The following CCDC14 variants were observed in gnomAD, a reference collection of about 807,000 sequenced individuals.
The protein encoded by CCDC14 is coiled-coil domain containing 14.
In CCDC14, 71 loss-of-function variants were observed where a neutral mutation model predicts 81.4. The observed-to-expected ratio is 0.87, with a 90% CI of 0.72 to 1.06. CCDC14 has a LOEUF of 1.06. Among genes scored for constraint, CCDC14 ranks in the 50% least tolerant of loss-of-function variants. The probability of loss-of-function intolerance (pLI) is 0.00; values close to 1 mark genes in which losing one functional copy is unlikely to be tolerated. For synonymous variants in CCDC14, 332 were observed against 364.8 expected (o/e 0.91, Z 1.03); for missense variants, 1,046 against 1,047.3 (o/e 1.00, Z 0.02).
intron 3 of CCDC14, 47 bp downstream of exon 3, chr3:123,956,308 T>C: frequency 7.1e-7 from 1 of 1,404,844 alleles, no homozygotes; most frequent in Non-Finnish European, 9.7e-7. Flanking sequence ...TTAGCTACTA[T>C]TTGAAAACTA....
chr3:123,931,464 G>T lies in CCDC14; in HGVS notation c.1489C>A (p.Gln497Lys). ...QNQLEESLKSQELLQSKNEEL... is the reference protein window; with the variant it reads ...QNQLEESLKSKELLQSKNEEL... ...TCATTTTTACTCTGCAGTAATTCCT[G>T]GCTCTTTAGTGACTCCTCCAATTGA... Residue 497 changes from glutamine (Q) to lysine (K), a missense_variant, in exon 11 of 13, where the codon CAG (glutamine) becomes AAG (lysine). Gln to Lys is a moderately conservative substitution (Grantham distance 53, BLOSUM62 1). Transcript: ENST00000409697. 1 of 1,577,254 alleles carries T rather than the reference G, an allele frequency of 6.3e-7. No individual in the cohort carries two copies.
Position 123,915,151 on chromosome 3 carries a change from G to T in CCDC14, c.2346C>A (p.Ile782=). 3 of 1,613,876 alleles carry T rather than the reference G, an allele frequency of 1.9e-6. No individual in the cohort carries two copies. Among genetic ancestry groups the T allele is most frequent in the Non-Finnish European group, 2.5e-6 (3 of 1,179,816 alleles). ...CTGCTTCCTTTGTTGAAGAGGAACA[G>T]ATTACAGGTGTACACAGTTTATTTT... The part of the protein sequence containing the change: ...GKENKLCTPV[I]CSSSTKEAED... Residue 782 remains isoleucine, a synonymous_variant, in exon 13 of 13, where the codon ATC becomes ATA. Transcript: ENST00000409697.
Position 123,898,021 on chromosome 3 carries a change from A to G in CCDC14, c.668-408T>C, listed in dbSNP as rs184356127. On this transcript the variant is annotated intron_variant, in intron 5 of 5. Coordinates refer to the CCDC14 transcript ENST00000479903. ...CTATAGCCAAATGATATCATCTATG[A>G]AAAATCCCTTGTTTTGCAAAAGACA... is the stretch of plus-strand genomic sequence containing the variant. Among the ~76,000 whole-genome samples the G allele has an allele frequency of 2.6e-5, 4 of 152,350 alleles. No homozygotes were observed. In the East Asian group the frequency reaches 7.7e-4, roughly 29 times the overall value.
At chr3:123,908,738 T>C (rs900743300), downstream of CCDC14, among the ~76,000 whole-genome samples, 1 of 152,104 alleles carries the variant, frequency 6.6e-6, no homozygotes, top group Non-Finnish European at 1.5e-5. Flanking sequence ...GGTTGGGATA[T>C]GGGGAGGGGA....
At position 123,945,192 on chromosome 3, in the gene CCDC14, T is replaced by C. The variant is rs3736532; in HGVS notation, c.1202-202A>G. On this transcript the variant is annotated intron_variant, in intron 8 of 12. Transcript: ENST00000409697. ...TTGTTTCCTCAGAATTCTAAAGAAA[T>C]TAAGTTCAGTAAACTAAAGATTAAT... is the stretch of plus-strand genomic sequence containing the variant. 2.2e-4 allele frequency among the ~76,000 whole-genome samples: 34 copies of C among 152,186 alleles called. No individual in the cohort carries two copies. In the East Asian group the frequency reaches 6.2e-3, roughly 28 times the overall value.
chr3:123,929,114 G>C (rs1367822543), intron 12 of CCDC14, among the ~76,000 whole-genome samples: 1 of 152,094 alleles, frequency 6.6e-6, no homozygotes, highest in African/African-American at 2.4e-5. Context: ...CCGCTTCATC[G>C]GATTTTCTGC....
chr3:123,931,488 G>T lies in CCDC14; in HGVS notation c.1465C>A (p.Gln489Lys). The stretch of plus-strand genomic sequence containing the variant: ...TGGCTCTTTAGTGACTCCTCCAATT[G>T]ATTTTGCAGTGACATATTCAATGAC... ...LQSLNMSLQNQLEESLKSQEL... is the reference protein window; with the variant it reads ...LQSLNMSLQNKLEESLKSQEL... The change falls in exon 11 of 13, where the codon CAA becomes AAA. Residue 489 changes from glutamine (Q) to lysine (K), a missense_variant. Gln to Lys is a moderately conservative substitution (Grantham distance 53). Transcript: ENST00000409697. 2.5e-6 allele frequency: 4 copies of T among 1,571,298 alleles called. No homozygotes were observed. The highest frequency in any genetic ancestry group is 3.5e-6 in the Non-Finnish European group (4 of 1,156,640).
chr3:123,891,611 C>T, the CCDC14 span, among the ~76,000 whole-genome samples: 1 of 152,198 alleles, frequency 6.6e-6, no homozygotes, highest in African/African-American at 2.4e-5. Context: ...TCCTCATCTC[C>T]ATCTGAGACC....
rs17310144 is a variant in CCDC14, at chr3:123,947,055, T to G, written c.949A>C (p.Thr317Pro). The G allele has an allele frequency of 0.57, 922,377 of 1,613,646 alleles. 279,129 individuals carry two copies. Among genetic ancestry groups the G allele is most frequent in the Non-Finnish European group, 0.63 (748,510 of 1,179,728 alleles). The change falls in exon 8 of 13, where the codon ACG becomes CCG. Residue 317 changes from threonine to proline, a missense_variant. Transcript: ENST00000409697. ...CGGTGTGTCTGACTGTCCAGATGCG[T>G]TTCTTTTCCATGAGATCGAAAAAGA... ...LSLFRSHGKE[T>P]HLDSQTHRSP...
At chr3:123,923,967 T>A (rs1161436262) in intron 12 of CCDC14, among the ~76,000 whole-genome samples, 2 of 141,096 alleles carry the variant, frequency 1.4e-5, no homozygotes, top group African/African-American at 5.2e-5. Flanking sequence ...ACAGAATCAT[T>A]AAAAAAAAAA....
intron 12 of CCDC14, 93 bp from the exon 13 acceptor site, chr3:123,915,811 G>T: frequency 1.0e-6 from 1 of 974,872 alleles, no homozygotes; most frequent in East Asian, 2.5e-5. Flanking sequence ...AAGGATTTGA[G>T]AGAAGTGTCT....
At position 123,946,812 on chromosome 3, in the gene CCDC14, C is replaced by CT; in HGVS notation, c.1191dup (p.Ala398SerfsTer34). On this transcript the variant is annotated frameshift_variant, in exon 8 of 13. Coordinates refer to ENST00000409697, the MANE Select transcript of CCDC14 (RefSeq NM_001366335.1). LOFTEE classifies it high-confidence loss of function. ...TATAAGTCCCATCTACCTTGTTCTG[C>CT]TACCAGGGCCTTGAGCTCTCCCAAC... is the stretch of plus-strand genomic sequence containing the variant. 1 of 1,612,828 alleles carries CT rather than the reference C, an allele frequency of 6.2e-7. No individual in the cohort carries two copies. The highest frequency in any genetic ancestry group is 8.5e-7 in the Non-Finnish European group (1 of 1,179,410).
chr3:123,938,961 C>T (rs895838336), intron 9 of CCDC14, among the ~76,000 whole-genome samples: 2 of 151,840 alleles, frequency 1.3e-5, no homozygotes, highest in African/African-American at 2.4e-5. Flanking sequence ...GATCTATAAC[C>T]ATAATTTCCA....
At chr3:123,946,023 T>C (rs999571289) in intron 8 of CCDC14, among the ~76,000 whole-genome samples, 2 of 152,150 alleles carry the variant, frequency 1.3e-5, no homozygotes, top group African/African-American at 4.8e-5. Context: ...ATTACCATGA[T>C]TATGTATCTG....
At chr3:123,954,542 TTTCATAATATTTAAATCAATATATC>T (rs1436032718) in intron 5 of CCDC14, 14 of 152,136 alleles carry the variant, frequency 9.2e-5, no homozygotes, top group African/African-American at 3.1e-4. Flanking sequence ...TAAAATTACT[TTTCATAATATTTAAATCAATATATC>T]CAAAATATTA....
chr3:123,897,651 C>A, intron 5 of CCDC14: 1 of 983,102 alleles, frequency 1.0e-6, no homozygotes, highest in Non-Finnish European at 1.3e-6. Context: ...TAAATATAAA[C>A]TTGGGATTAC....
At chr3:123,906,847 A>AT (rs748919055) in intron 5 of CCDC14, among the ~76,000 whole-genome samples, 4 of 152,186 alleles carry the variant, frequency 2.6e-5, no homozygotes, top group Non-Finnish European at 4.4e-5. Context: ...TGTTTAATCT[A>AT]TTTTACCTTG....
At chr3:123,956,878 ATTTT>A in intron 1 of CCDC14, 83 bp from the exon 2 acceptor site, 4 of 899,788 alleles carry the variant, frequency 4.4e-6, no homozygotes, top group Non-Finnish European at 5.0e-6. Flanking sequence ...ATTTAATGTC[ATTTT>A]TTTCTTTTAT....
chr3:123,929,545 C>G, intron 12 of CCDC14, among the ~76,000 whole-genome samples: 1 of 152,148 alleles, frequency 6.6e-6, no homozygotes, highest in Non-Finnish European at 1.5e-5. Flanking sequence ...CCAGGCGATC[C>G]ACCCACCTCG....
Sources: gnomAD v4.1 joint callset for allele counts (sites outside exome capture counted in the v4.1 genomes callset) on GRCh38, gnomAD v4.1.1 for gene constraint, MANE v1.5 for transcripts, NCBI Gene and HGNC (gene_info 2026-07-23, HGNC 2026-07-21) for gene names.